The following IDE variants were observed in gnomAD, a reference collection of about 807,000 sequenced individuals.
IDE encodes the protein insulin degrading enzyme.
In IDE, 58 loss-of-function variants were observed where a neutral mutation model predicts 133.2. That is an observed-to-expected ratio of 0.44 (90% CI 0.35 to 0.54). The LOEUF (loss-of-function observed/expected upper bound fraction) is 0.54. Among genes scored for constraint, IDE ranks in the 20% least tolerant of loss-of-function variants. The probability of loss-of-function intolerance (pLI) is 0.00; values close to 1 mark genes in which losing one functional copy is unlikely to be tolerated. For missense variants in IDE, 981 were observed against 1,234.0 expected (o/e 0.79, Z 3.07); for synonymous variants, 396 against 421.3 (o/e 0.94, Z 0.73).
Position 92,507,629 on chromosome 10 carries a change from G to A in IDE, c.1191C>T (p.Tyr397=), listed in dbSNP as rs1471316825. The change falls in exon 9 of 25, where the codon TAC becomes TAT. Residue 397 remains tyrosine (Y), a synonymous_variant. Transcript: ENST00000265986. The stretch of plus-strand genomic sequence containing the variant: ...GTCCTTCTGCACGTAACTTCTGAAT[G>A]TATTGAAACATGTGCAAAATTATAT... ...VEDIILHMFQ[Y]IQKLRAEGPQ... 2 of 1,607,048 alleles carry A rather than the reference G, an allele frequency of 1.2e-6. No homozygotes were observed. Among genetic ancestry groups the A allele is most frequent in the South Asian group, 1.1e-5 (1 of 90,922 alleles).
chr10:92,541,412 A>C (rs746516863), intron 1 of IDE: 2 of 417,410 alleles, frequency 4.8e-6, no homozygotes, highest in Non-Finnish European at 9.9e-6. Context: ...TATCTACTTC[A>C]GATCATTAGC....
rs544295694 is a variant in IDE, at chr10:92,550,687, T to C, written c.99-13137A>G. On this transcript the variant is annotated intron_variant, in intron 1 of 24. Coordinates refer to ENST00000265986, the MANE Select transcript of IDE (RefSeq NM_004969.4). The stretch of plus-strand genomic sequence containing the variant: ...AAAAAAAAAAAAATCGTGGCCAACA[T>C]GGTGAAACCCCGTTTCTACTAAAAA... Among the ~76,000 whole-genome samples the C allele has an allele frequency of 8.3e-5, 11 of 131,920 alleles. No individual in the cohort carries two copies. In the East Asian group the frequency reaches 2.3e-3, roughly 28 times the overall value. The allele number at this position is 131,920 out of a possible 152,430, so 86.5% of individuals were successfully genotyped here. A position where few individuals can be genotyped will look rare whatever the true frequency, so the allele number is the denominator to read the frequency against.
intron 5 of IDE, among the ~76,000 whole-genome samples, chr10:92,511,427 A>C (rs1042338017): frequency 6.6e-6 from 1 of 152,152 alleles, no homozygotes; most frequent in Non-Finnish European, 1.5e-5. Context: ...TATAAACAAG[A>C]TAACCTCTCA....
chr10:92,570,735 C>T (rs1172787671), intron 1 of IDE, among the ~76,000 whole-genome samples: 1 of 151,870 alleles, frequency 6.6e-6, no homozygotes, highest in Non-Finnish European at 1.5e-5. Flanking sequence ...GGCAACATGA[C>T]AAAACCCCAT....
chr10:92,546,220 G>A (rs1842528374), intron 1 of IDE, among the ~76,000 whole-genome samples: 1 of 152,178 alleles, frequency 6.6e-6, no homozygotes, highest in South Asian at 2.1e-4. Context: ...TTCATCCCAG[G>A]ATAGTCATTA....
At chr10:92,521,288 T>C (rs1415282086) in intron 4 of IDE, among the ~76,000 whole-genome samples, 2 of 152,112 alleles carry the variant, frequency 1.3e-5, no homozygotes, top group African/African-American at 4.8e-5. Context: ...TATGAAGATG[T>C]CTTGTCAAAA....
chr10:92,563,180 C>T (rs942724154), intron 1 of IDE, among the ~76,000 whole-genome samples: 2 of 151,860 alleles, frequency 1.3e-5, no homozygotes, highest in African/African-American at 2.4e-5. Context: ...GAACCCGGGA[C>T]GCGGAGGTTG....
At chr10:92,570,585 T>A (rs181363283) in intron 1 of IDE, among the ~76,000 whole-genome samples, 9 of 152,202 alleles carry the variant, frequency 5.9e-5, no homozygotes, top group South Asian at 2.1e-4. Context: ...TTAGGAGATA[T>A]AAAATACCAA....
At chr10:92,456,599 G>A (rs1222438464) in intron 22 of IDE, among the ~76,000 whole-genome samples, 168 bp from the exon 23 acceptor site, 1 of 152,082 alleles carries the variant, frequency 6.6e-6, no homozygotes, top group East Asian at 1.9e-4. Context: ...AGCACTTTGG[G>A]AGGCCGAGGC....
At chr10:92,533,788 C>A (rs1277422764) in intron 3 of IDE, among the ~76,000 whole-genome samples, 1 of 150,898 alleles carries the variant, frequency 6.6e-6, no homozygotes, top group East Asian at 1.9e-4. Context: ...CTCTGGGAGG[C>A]TGAGGTGGGT....
At chr10:92,541,331 C>G in intron 1 of IDE, 1 of 470,902 alleles carries the variant, frequency 2.1e-6, no homozygotes, top group Non-Finnish European at 4.4e-6. Flanking sequence ...ACTGGGAACT[C>G]TTCCTCCTCT....
chr10:92,537,332 A>T, intron 2 of IDE, 34 bp downstream of exon 2: 1 of 1,543,726 alleles, frequency 6.5e-7, no homozygotes, highest in Non-Finnish European at 8.8e-7. Context: ...TCAATGAAAC[A>T]AAACAAAGCT....
At chr10:92,547,151 T>C (rs1176733309) in intron 1 of IDE, among the ~76,000 whole-genome samples, 1 of 152,082 alleles carries the variant, frequency 6.6e-6, no homozygotes, top group Admixed American at 6.6e-5. Context: ...GGCACTATCA[T>C]GGCTCATGAC....
chr10:92,573,827 G>A, intron 1 of IDE, 95 bp downstream of exon 1: 1 of 851,262 alleles, frequency 1.2e-6, no homozygotes, highest in Non-Finnish European at 1.7e-6. Flanking sequence ...GGGCAGCGGT[G>A]GCGGCTTTAA....
intron 4 of IDE, among the ~76,000 whole-genome samples, chr10:92,531,471 A>C (rs558571900): frequency 4.6e-5 from 7 of 152,192 alleles, no homozygotes; most frequent in Admixed American, 2.0e-4. Context: ...GGAATAAAAG[A>C]ATCTATTATC....
At chr10:92,495,882 GT>G (rs532013461) in intron 11 of IDE, among the ~76,000 whole-genome samples, 161 of 143,552 alleles carry the variant, frequency 1.1e-3, no homozygotes, top group Admixed American at 2.6e-3. Flanking sequence ...TTTTTTAAGT[GT>G]TTTTTTTTTT....
intron 1 of IDE, among the ~76,000 whole-genome samples, chr10:92,551,953 T>C (rs892518289): frequency 2.0e-5 from 3 of 152,126 alleles, no homozygotes; most frequent in Middle Eastern, 3.2e-3. Context: ...CTGGGCAACA[T>C]AGTCAGACCC....
intron 1 of IDE, among the ~76,000 whole-genome samples, chr10:92,561,467 G>A (rs1019195783): frequency 1.3e-5 from 2 of 150,280 alleles, no homozygotes; most frequent in South Asian, 2.1e-4. Flanking sequence ...ATAAGATGAT[G>A]TAAGCTGGGC....
chr10:92,531,526 T>C (rs1849923974), intron 4 of IDE, among the ~76,000 whole-genome samples: 1 of 152,212 alleles, frequency 6.6e-6, no homozygotes, highest in African/African-American at 2.4e-5. Flanking sequence ...CAACTCTAAC[T>C]GCTCTGCTCC....
Sources: gnomAD v4.1 joint callset for allele counts (sites outside exome capture counted in the v4.1 genomes callset) on GRCh38, gnomAD v4.1.1 for gene constraint, MANE v1.5 for transcripts, NCBI Gene and HGNC (gene_info 2026-07-23, HGNC 2026-07-21) for gene names.